SHISA9: variants seen among roughly 807,000 people sequenced by gnomAD.
SHISA9 encodes protein shisa-9.
SHISA9 carries 13 observed loss-of-function variants against 38.0 expected under a neutral mutation model. The ratio of observed to expected loss-of-function variants is 0.34; its 90% confidence interval spans 0.22 to 0.54. The LOEUF is 0.54. Among genes scored for constraint, SHISA9 ranks in the 20% least tolerant of loss-of-function variants. SHISA9 has a pLI of 0.91. For missense variants in SHISA9, 538 were observed against 575.8 expected (o/e 0.93, Z 0.67); for synonymous variants, 275 against 242.0 (o/e 1.14, Z -1.27).
chr16:13,033,248 A>C (rs1424885440), intron 2 of SHISA9, among the ~76,000 whole-genome samples: 1 of 152,162 alleles, frequency 6.6e-6, no homozygotes, highest in Non-Finnish European at 1.5e-5. Flanking sequence ...AATTAGGGTG[A>C]AAATGGACTG....
At chr16:13,303,344 T>A in the SHISA9 span, among the ~76,000 whole-genome samples, 7 of 152,150 alleles carry the variant, frequency 4.6e-5, no homozygotes, top group Non-Finnish European at 8.8e-5. Context: ...GCTAAATGGA[T>A]GATTAAGTGG....
the SHISA9 span, among the ~76,000 whole-genome samples, chr16:13,521,740 A>G: frequency 2.0e-5 from 3 of 152,218 alleles, no homozygotes; most frequent in African/African-American, 7.2e-5. Flanking sequence ...ATTCTTTGCC[A>G]TGTAACTGTT....
chr16:13,068,251 CTT>C (rs1417318608), intron 2 of SHISA9, among the ~76,000 whole-genome samples: 1 of 152,220 alleles, frequency 6.6e-6, no homozygotes, highest in Non-Finnish European at 1.5e-5. Context: ...GAACAGGACT[CTT>C]TACCTGCCCA....
chr16:12,902,249 A>G lies in SHISA9; in HGVS notation c.185A>G (p.Asp62Gly), dbSNP rs751469363. The change falls in exon 1 of 5, where the codon GAC (aspartate) becomes GGC (glycine). Residue 62 changes from aspartate to glycine, a missense_variant. Physicochemically the swap from Asp to Gly is moderately conservative, Grantham distance 94. Around this residue, in one of 4 missense-constraint regions of SHISA9, gnomAD observed 107 missense variants for 103.0 expected, o/e 1.04. Coordinates refer to ENST00000558583, the MANE Select transcript of SHISA9 (RefSeq NM_001145204.3). ...GCCAGCGAGGGCGCTGAGGCATCGG[A>G]CGCGCCCCCGACCCGGGCGCCCACG... is the stretch of plus-strand genomic sequence containing the variant. ...GEASEGAEASDAPPTRAPTPD... is the reference protein window; with the variant it reads ...GEASEGAEASGAPPTRAPTPD... 21 of 1,544,498 alleles carry G rather than the reference A, an allele frequency of 1.4e-5. No homozygotes were observed. In the East Asian group the frequency reaches 2.2e-4, roughly 16 times the overall value.
At chr16:13,159,684 C>T (rs1034049514) in intron 2 of SHISA9, among the ~76,000 whole-genome samples, 4 of 152,192 alleles carry the variant, frequency 2.6e-5, no homozygotes, top group Non-Finnish European at 5.9e-5. Flanking sequence ...TCCATAGGTT[C>T]CAGATATCAA....
the SHISA9 span, among the ~76,000 whole-genome samples, chr16:13,317,134 C>G: frequency 9.5e-3 from 1,453 of 152,314 alleles, 16 homozygotes; most frequent in African/African-American, 0.033. Flanking sequence ...TGGTTGGGAA[C>G]AGCAGAAACT....
chr16:13,455,267 C>G, the SHISA9 span, among the ~76,000 whole-genome samples: 4 of 152,166 alleles, frequency 2.6e-5, no homozygotes, highest in African/African-American at 7.2e-5. Context: ...AATGAAGCAG[C>G]CTTCCTCTCC....
intron 1 of SHISA9, among the ~76,000 whole-genome samples, chr16:12,913,830 CA>C (rs1256669065): frequency 1.3e-5 from 2 of 152,166 alleles, no homozygotes; most frequent in East Asian, 3.9e-4. Context: ...TACGTTGTAG[CA>C]GGTACTAGTG....
chr16:13,407,865 G>A, the SHISA9 span, among the ~76,000 whole-genome samples: 4 of 152,172 alleles, frequency 2.6e-5, no homozygotes, highest in Non-Finnish European at 5.9e-5. Flanking sequence ...GTGATGTTTG[G>A]TGCTACAGCA....
chr16:13,041,438 C>T (rs1029786714), intron 2 of SHISA9, among the ~76,000 whole-genome samples: 2 of 152,202 alleles, frequency 1.3e-5, no homozygotes, highest in East Asian at 3.8e-4. Context: ...CCAGTGCAAA[C>T]CTTTGTCCTC....
the SHISA9 span, among the ~76,000 whole-genome samples, chr16:13,395,119 G>A: frequency 6.6e-6 from 1 of 152,138 alleles, no homozygotes; most frequent in Non-Finnish European, 1.5e-5. Context: ...GTGGACAGAG[G>A]TTGGCAGGTT....
intron 2 of SHISA9, among the ~76,000 whole-genome samples, chr16:13,050,210 C>T (rs2073234617): frequency 1.3e-5 from 2 of 152,262 alleles, no homozygotes; most frequent in East Asian, 1.9e-4. Context: ...TGTAGATATA[C>T]ATCTGTTGAT....
intron 2 of SHISA9, among the ~76,000 whole-genome samples, chr16:13,145,566 C>T (rs183438785): frequency 6.6e-5 from 10 of 152,262 alleles, no homozygotes; most frequent in African/African-American, 1.7e-4. Context: ...TGTGTGGCTG[C>T]GTGGAAGGTG....
intron 2 of SHISA9, among the ~76,000 whole-genome samples, chr16:13,076,029 AT>A (rs35313169): frequency 0.092 from 12,504 of 135,368 alleles, 496 homozygotes; most frequent in Admixed American, 0.15. Context: ...TGAGAAATAG[AT>A]TTTTTTTTTT....
chr16:13,333,105 G>C, the SHISA9 span, among the ~76,000 whole-genome samples: 1 of 152,340 alleles, frequency 6.6e-6, no homozygotes, highest in South Asian at 2.1e-4. Context: ...GAAAGGGAAT[G>C]GTTCTCTCCA....
At chr16:13,410,721 C>T in the SHISA9 span, among the ~76,000 whole-genome samples, 1 of 152,142 alleles carries the variant, frequency 6.6e-6, no homozygotes, top group East Asian at 1.9e-4. Flanking sequence ...ATAAACAAAG[C>T]CTGTCAGGTT....
chr16:13,415,996 G>C, the SHISA9 span, among the ~76,000 whole-genome samples: 1 of 152,174 alleles, frequency 6.6e-6, no homozygotes, highest in African/African-American at 2.4e-5. Flanking sequence ...CAGGAGATAA[G>C]TGAGGTGCTT....
intron 2 of SHISA9, among the ~76,000 whole-genome samples, chr16:12,950,023 C>T (rs1174836400): frequency 6.6e-6 from 1 of 152,176 alleles, no homozygotes; most frequent in Non-Finnish European, 1.5e-5. Context: ...TTCCACCTCC[C>T]CACTACTTGT....
chr16:13,257,606 C>A, the SHISA9 span, among the ~76,000 whole-genome samples: 1 of 152,176 alleles, frequency 6.6e-6, no homozygotes, highest in Non-Finnish European at 1.5e-5. Context: ...GCAGATATTT[C>A]CTCCAGGTGT....
Sources: gnomAD v4.1 joint callset for allele counts (sites outside exome capture counted in the v4.1 genomes callset) on GRCh38, gnomAD v4.1.1 for gene constraint, gnomAD v4.1.1 regional missense constraint, MANE v1.5 for transcripts, NCBI Gene and HGNC (gene_info 2026-07-23, HGNC 2026-07-21) for gene names.